The following COL28A1 variants were observed in gnomAD, a reference collection of about 807,000 sequenced individuals.
The protein encoded by COL28A1 is collagen type XXVIII alpha 1 chain.
A neutral mutation model predicts 150.2 loss-of-function variants in COL28A1; 161 were observed. That is an observed-to-expected ratio of 1.07 (90% CI 0.94 to 1.22). The LOEUF is 1.22. COL28A1 is among the 50% of genes most tolerant of loss of function. The probability of loss-of-function intolerance (pLI) is 0.00; values close to 1 mark genes in which losing one functional copy is unlikely to be tolerated. For missense variants in COL28A1, 1,617 were observed against 1,388.3 expected (o/e 1.16, Z -2.62); for synonymous variants, 552 against 469.7 (o/e 1.18, Z -2.26).
chr7:7,373,600 G>C lies in COL28A1; in HGVS notation c.2360-54C>G. The C allele has an allele frequency of 2.7e-6, 4 of 1,456,018 alleles. No homozygotes were observed. Among genetic ancestry groups the C allele is most frequent in the Middle Eastern group, 3.6e-4 (2 of 5,574 alleles). The allele number at this position is 1,456,018 out of a possible 1,614,324, so 90.2% of individuals were successfully genotyped here. On this transcript the variant is annotated intron_variant, in intron 31 of 34. Transcript: ENST00000399429. This position sits in a 1 kb window ranked among gnomAD's most constrained non-coding sequence, Gnocchi z 4.1. ...TTGTGGGAATGATTGACATCAGATT[G>C]TTGAGGGGAGGGGAGAAAAAGTCAA...
downstream of COL28A1, among the ~76,000 whole-genome samples, chr7:7,354,432 T>C (rs1780303037): frequency 1.3e-5 from 2 of 152,180 alleles, no homozygotes; most frequent in African/African-American, 4.8e-5. Flanking sequence ...GAAATTAAGA[T>C]AGTTTATTAG....
intron 21 of COL28A1, among the ~76,000 whole-genome samples, chr7:7,438,387 T>C (rs1785506804): frequency 6.6e-6 from 1 of 151,564 alleles, no homozygotes; most frequent in South Asian, 2.1e-4. Flanking sequence ...CTGTTCCATC[T>C]GGATCTAGAC....
chr7:7,529,006 A>C (rs1782187249), intron 3 of COL28A1, among the ~76,000 whole-genome samples: 1 of 152,166 alleles, frequency 6.6e-6, no homozygotes, highest in Non-Finnish European at 1.5e-5. Flanking sequence ...GGTCTCATCA[A>C]GAGTCAAGTT....
At chr7:7,441,312 T>C (rs1417615242) in intron 20 of COL28A1, among the ~76,000 whole-genome samples, 3 of 152,138 alleles carry the variant, frequency 2.0e-5, no homozygotes, top group Admixed American at 6.5e-5. Context: ...GGAGTCTAAT[T>C]CTTTCCCCCA....
chr7:7,479,149 A>G (rs562343449), intron 13 of COL28A1, among the ~76,000 whole-genome samples: 1 of 152,376 alleles, frequency 6.6e-6, no homozygotes, highest in African/African-American at 2.4e-5. Context: ...TTTGGTGTCT[A>G]CAGAGGTCCT....
intron 27 of COL28A1, among the ~76,000 whole-genome samples, chr7:7,382,737 T>C (rs1781939487): frequency 6.6e-6 from 1 of 152,122 alleles, no homozygotes; most frequent in Non-Finnish European, 1.5e-5. Flanking sequence ...CCCACCAAGA[T>C]CATTGGCATG....
the COL28A1 span, among the ~76,000 whole-genome samples, chr7:7,540,972 T>C: frequency 6.6e-6 from 1 of 152,192 alleles, no homozygotes; most frequent in African/African-American, 2.4e-5. Context: ...GAATATTAAG[T>C]TGTAGAAACA....
chr7:7,406,818 T>G (rs998415789), intron 27 of COL28A1, among the ~76,000 whole-genome samples: 1 of 152,126 alleles, frequency 6.6e-6, no homozygotes, highest in Non-Finnish European at 1.5e-5. Flanking sequence ...GTCAACAAGG[T>G]GGACAGCATC....
chr7:7,479,207 CTG>C (rs2128357805), intron 13 of COL28A1, among the ~76,000 whole-genome samples: 1 of 152,326 alleles, frequency 6.6e-6, no homozygotes, highest in East Asian at 1.9e-4. Flanking sequence ...GACTGTGGCT[CTG>C]TTTAAATTTT....
intron 14 of COL28A1, among the ~76,000 whole-genome samples, chr7:7,475,885 T>C (rs1166946792): frequency 6.6e-6 from 1 of 152,230 alleles, no homozygotes; most frequent in African/African-American, 2.4e-5. Context: ...TCCAACATAT[T>C]ATTTCCATTA....
intron 18 of COL28A1, among the ~76,000 whole-genome samples, 162 bp downstream of exon 18, chr7:7,452,157 T>C (rs61216555): frequency 0.016 from 2,479 of 152,322 alleles, 54 homozygotes; most frequent in African/African-American, 0.056. Flanking sequence ...TACGTGTAAT[T>C]ATAGCTTTTG....
At chr7:7,441,892 A>G (rs747574504) in intron 20 of COL28A1, among the ~76,000 whole-genome samples, 1 of 150,676 alleles carries the variant, frequency 6.6e-6, no homozygotes, top group Non-Finnish European at 1.5e-5. Context: ...GCACCGGTGT[A>G]AAAAAAAAGA....
At chr7:7,346,234 T>A in the COL28A1 span, among the ~76,000 whole-genome samples, 2 of 152,084 alleles carry the variant, frequency 1.3e-5, no homozygotes, top group South Asian at 2.1e-4. Context: ...ATTTTTTTTT[T>A]AAGATTTCAG....
intron 30 of COL28A1, among the ~76,000 whole-genome samples, chr7:7,376,544 G>T (rs1015409656): frequency 7.9e-5 from 12 of 152,064 alleles, no homozygotes; most frequent in African/African-American, 2.9e-4. Flanking sequence ...AGAGTCAACA[G>T]TCTTCTTTTT....
At chr7:7,385,955 A>C (rs965418086) in intron 27 of COL28A1, among the ~76,000 whole-genome samples, 1 of 152,236 alleles carries the variant, frequency 6.6e-6, no homozygotes, top group Non-Finnish European at 1.5e-5. Context: ...AATGCTATCC[A>C]ATCAGACTTT....
chr7:7,543,267 A>C, the COL28A1 span, among the ~76,000 whole-genome samples: 1 of 152,226 alleles, frequency 6.6e-6, no homozygotes, highest in Admixed American at 6.5e-5. Context: ...TTGAACAAGT[A>C]AGACAAAAAT....
At chr7:7,430,814 C>T (rs1312290781) in intron 25 of COL28A1, among the ~76,000 whole-genome samples, 2 of 151,918 alleles carry the variant, frequency 1.3e-5, no homozygotes, top group African/African-American at 2.4e-5. Context: ...TACATCAGTA[C>T]CCAAATTTGG....
At chr7:7,350,648 T>C in the COL28A1 span, among the ~76,000 whole-genome samples, 1 of 139,368 alleles carries the variant, frequency 7.2e-6, no homozygotes, top group Non-Finnish European at 1.5e-5. Context: ...GTTTTTTGTT[T>C]TCTTTCCTTT....
At chr7:7,492,503 T>C (rs1439977876) in intron 11 of COL28A1, among the ~76,000 whole-genome samples, 6 of 150,624 alleles carry the variant, frequency 4.0e-5, no homozygotes, top group African/African-American at 1.2e-4. Flanking sequence ...GAGAATTGCT[T>C]GAACCTGGGA....
Sources: gnomAD v4.1 joint callset for allele counts (sites outside exome capture counted in the v4.1 genomes callset) on GRCh38, gnomAD v4.1.1 for gene constraint, Gnocchi (gnomAD v3.1) non-coding constraint, MANE v1.5 for transcripts, NCBI Gene and HGNC (gene_info 2026-07-23, HGNC 2026-07-21) for gene names.